Variants in LYPD6B observed in about 807,000 individuals in gnomAD.
The protein encoded by LYPD6B is ly6/PLAUR domain-containing protein 6B.
A neutral mutation model predicts 22.8 loss-of-function variants in LYPD6B; 17 were observed. The ratio of observed to expected loss-of-function variants is 0.75; its 90% CI spans 0.51 to 1.12. LYPD6B has a LOEUF of 1.12. LYPD6B is among the 50% of genes most tolerant of loss of function. LYPD6B has a pLI of 0.00. For synonymous variants in LYPD6B, 106 were observed against 91.6 expected, an observed-to-expected ratio of 1.16 and a Z score of -0.90; for missense variants, 221 against 258.3, an observed-to-expected ratio of 0.86 and a Z score of 0.99.
intron 1 of LYPD6B, among the ~76,000 whole-genome samples, chr2:149,069,746 C>T (rs541099665): frequency 1.3e-4 from 20 of 152,172 alleles, no homozygotes; most frequent in South Asian, 1.0e-3. Flanking sequence ...ACAGCATCAC[C>T]GAGTGCCCAG....
In LYPD6B at chr2:149,124,136, A is replaced by G. The variant is rs944990697; in HGVS notation, c.-66-6747A>G. Among the ~76,000 whole-genome samples the G allele has an allele frequency of 2.6e-5, 4 of 152,200 alleles. No homozygotes were observed. The East Asian group carries it at 7.7e-4, about 29-fold the overall frequency. ...TATTTACTCACTCATTTTCTGAAGT[A>G]CTAATTCCCTTTGTTGAAAATATTA... On this transcript the variant is annotated intron_variant, in intron 1 of 6. Coordinates refer to ENST00000409642, the MANE Select transcript of LYPD6B (RefSeq NM_177964.5).
At chr2:149,154,506 T>C (rs1689574329) in intron 2 of LYPD6B, among the ~76,000 whole-genome samples, 1 of 152,120 alleles carries the variant, frequency 6.6e-6, no homozygotes, top group African/African-American at 2.4e-5. Context: ...TAATTTATTA[T>C]AGCAGACCTA....
chr2:149,151,444 T>C (rs1689371744), intron 2 of LYPD6B, among the ~76,000 whole-genome samples: 1 of 152,182 alleles, frequency 6.6e-6, no homozygotes, highest in Admixed American at 6.5e-5. Flanking sequence ...AACTCTCCAG[T>C]TAAATTTTTC....
chr2:149,198,506 A>T (rs1204051118), intron 3 of LYPD6B, among the ~76,000 whole-genome samples: 1 of 152,198 alleles, frequency 6.6e-6, no homozygotes, highest in Admixed American at 6.5e-5. Flanking sequence ...AATCACATTT[A>T]AAAAGATGTC....
At position 149,159,506 on chromosome 2, in the gene LYPD6B, A is replaced by G. The variant is rs1689911082; in HGVS notation, c.6-1258A>G. Among the ~76,000 whole-genome samples the G allele has an allele frequency of 4.6e-5, 7 of 151,688 alleles. No individual in the cohort carries two copies. In the South Asian group the frequency reaches 1.5e-3, roughly 32 times the overall value. On this transcript the variant is annotated intron_variant, in intron 2 of 6. Coordinates refer to ENST00000409642, the MANE Select transcript of LYPD6B (RefSeq NM_177964.5). The stretch of plus-strand genomic sequence containing the variant: ...CATAGTATATATGTTTTGTAAATGA[A>G]CTCATTCTTTTTTGAAATTAGATGG...
At chr2:149,102,405 A>G (rs1686256694) in intron 1 of LYPD6B, among the ~76,000 whole-genome samples, 1 of 152,268 alleles carries the variant, frequency 6.6e-6, no homozygotes, top group Non-Finnish European at 1.5e-5. Flanking sequence ...GAAGCAAATA[A>G]AAGGGAACAT....
chr2:149,185,655 T>C (rs529318552), intron 3 of LYPD6B, among the ~76,000 whole-genome samples: 2 of 152,214 alleles, frequency 1.3e-5, no homozygotes, highest in Non-Finnish European at 2.9e-5. Context: ...TACCTTGTTT[T>C]ATTGCATTTG....
At chr2:149,150,765 C>T (rs866644564) in intron 2 of LYPD6B, among the ~76,000 whole-genome samples, 1 of 151,928 alleles carries the variant, frequency 6.6e-6, no homozygotes, top group Non-Finnish European at 1.5e-5. Context: ...TTATTTCTTT[C>T]CTTGTATTTT....
intron 3 of LYPD6B, chr2:149,204,861 G>T (rs569797421): frequency 3.3e-4 from 54 of 165,906 alleles, no homozygotes; most frequent in African/African-American, 1.2e-3. Flanking sequence ...ACAGATAGGT[G>T]GTCCAGTGAC....
intron 3 of LYPD6B, chr2:149,205,015 C>T: frequency 2.4e-6 from 1 of 411,776 alleles, no homozygotes; most frequent in Non-Finnish European, 4.3e-6. Flanking sequence ...ACTCAAAAGG[C>T]CATCGAGTGT....
chr2:149,178,494 C>T (rs1364080846), intron 3 of LYPD6B, among the ~76,000 whole-genome samples: 2 of 152,070 alleles, frequency 1.3e-5, no homozygotes, highest in Non-Finnish European at 2.9e-5. Context: ...CAACAAACAA[C>T]GAAGTGACGG....
chr2:149,120,238 A>C lies in LYPD6B; in HGVS notation c.-66-10645A>C, dbSNP rs1687219258. Among the ~76,000 whole-genome samples the C allele has an allele frequency of 2.0e-5, 3 of 150,334 alleles. No individual in the cohort carries two copies. In the South Asian group the frequency reaches 6.3e-4, roughly 32 times the overall value. On this transcript the variant is annotated intron_variant, in intron 1 of 6. Transcript: ENST00000409642. ...CAGTACTTAGAATTTTGAGTTCTCC[A>C]ATATAGGATTTAGTTTTGTGAAATG...
At chr2:149,159,901 T>C (rs1176947433) in intron 2 of LYPD6B, among the ~76,000 whole-genome samples, 1 of 152,196 alleles carries the variant, frequency 6.6e-6, no homozygotes, top group Non-Finnish European at 1.5e-5. Context: ...CTGATTTAAA[T>C]GCTAATCACA....
At chr2:149,129,688 G>T (rs1022127941) in intron 1 of LYPD6B, among the ~76,000 whole-genome samples, 4 of 152,190 alleles carry the variant, frequency 2.6e-5, no homozygotes, top group African/African-American at 9.6e-5. Context: ...TGTGGTGTAT[G>T]CAGCATTCCC....
At chr2:149,161,364 G>T (rs1413784279) in intron 3 of LYPD6B, 1 of 157,032 alleles carries the variant, frequency 6.4e-6, no homozygotes, top group East Asian at 1.9e-4. Context: ...AAGAGAGACA[G>T]CATAGATGGA....
At chr2:149,108,986 T>A (rs1350926131) in intron 1 of LYPD6B, among the ~76,000 whole-genome samples, 1 of 152,190 alleles carries the variant, frequency 6.6e-6, no homozygotes, top group Admixed American at 6.5e-5. Context: ...CTTTATACTA[T>A]TTTTTGTCAT....
In LYPD6B at chr2:149,205,278, C is replaced by A; in HGVS notation, c.103C>A (p.His35Asn). Residue 35 changes from histidine to asparagine, a missense_variant, in exon 4 of 7, where the codon CAC (histidine) becomes AAC (asparagine). Coordinates refer to ENST00000409642, the MANE Select transcript of LYPD6B (RefSeq NM_177964.5). ...SRYKSSDRPA[H>N]KVSMLLLCHA... ...ATATAAGAGTTCGGACCGCCCAGCA[C>A]ACAAGGTCAGCATGCTGCTCCTCTG... 6.2e-7 allele frequency: 1 copy of A among 1,613,826 alleles called. No individual in the cohort carries two copies. Among genetic ancestry groups the A allele is most frequent in the Non-Finnish European group, 8.5e-7 (1 of 1,179,802 alleles).
Position 149,205,256 on chromosome 2 carries a change from T to A in LYPD6B, c.81T>A (p.Tyr27Ter). Reference protein sequence around the residue: ...SLTTTFSFSRYKSSDRPAHKV... With the variant: ...SLTTTFSFSR ...CCAGTGTGTCTTTTCACCATAGATA[T>A]AAGAGTTCGGACCGCCCAGCACACA... is the stretch of plus-strand genomic sequence containing the variant. Residue 27 changes from tyrosine (Y) to a stop codon, truncating the protein, a stop_gained, in exon 4 of 7, where the codon TAT becomes TAA. Transcript: ENST00000409642. LOFTEE classifies it high-confidence loss of function. The A allele has an allele frequency of 6.2e-7, 1 of 1,609,950 alleles. No homozygotes were observed. Among genetic ancestry groups the A allele is most frequent in the Non-Finnish European group, 8.5e-7 (1 of 1,178,780 alleles).
At chr2:149,118,754 G>A (rs907806984) in intron 1 of LYPD6B, among the ~76,000 whole-genome samples, 1 of 152,064 alleles carries the variant, frequency 6.6e-6, no homozygotes, top group Non-Finnish European at 1.5e-5. Flanking sequence ...ACTGATTCTC[G>A]GAGTAATTTA....
Sources: gnomAD v4.1 joint callset for allele counts (sites outside exome capture counted in the v4.1 genomes callset) on GRCh38, gnomAD v4.1.1 for gene constraint, MANE v1.5 for transcripts, NCBI Gene and HGNC (gene_info 2026-07-23, HGNC 2026-07-21) for gene names.